Variants in SIRT6 observed in about 807,000 individuals in gnomAD.
SIRT6 encodes NAD-dependent protein deacylase sirtuin-6.
In SIRT6, 21 loss-of-function variants were observed where a neutral mutation model predicts 33.6. The ratio of observed to expected loss-of-function variants is 0.62; its 90% CI spans 0.44 to 0.90. SIRT6 has a LOEUF of 0.90. Among genes scored for constraint, SIRT6 ranks in the 40% least tolerant of loss-of-function variants. The pLI, the probability that SIRT6 is intolerant of heterozygous loss-of-function variation, is 0.00. For missense variants in SIRT6, 504 were observed against 510.6 expected (o/e 0.99, Z 0.12); for synonymous variants, 221 against 223.9 (o/e 0.99, Z 0.12).
intron 6 of SIRT6, 187 bp downstream of exon 6, chr19:4,175,493 C>G (rs1007648105): frequency 3.1e-6 from 2 of 643,414 alleles, no homozygotes; most frequent in African/African-American, 3.7e-5. Flanking sequence ...TAGCACCCAC[C>G]CAGAGCCATG....
intron 1 of SIRT6, 60 bp downstream of exon 1, chr19:4,182,414 C>G: frequency 6.5e-7 from 1 of 1,533,998 alleles, no homozygotes; most frequent in East Asian, 2.5e-5. Flanking sequence ...CCCCTGCCAT[C>G]CGGCCGCTCC....
At position 4,174,977 on chromosome 19, in the gene SIRT6, G is replaced by C; in HGVS notation, c.739-31C>G. The C allele has an allele frequency of 6.2e-7, 1 of 1,609,162 alleles. No individual in the cohort carries two copies. The highest frequency in any genetic ancestry group is 8.5e-7 in the Non-Finnish European group (1 of 1,178,030). On this transcript the variant is annotated intron_variant, in intron 7 of 7. Transcript: ENST00000337491. The surrounding 1 kb of genome is among the most constrained non-coding windows in gnomAD (Gnocchi z 4.2). ...GAGGGGCGGGACGGGTCAGGCGTGGGGGACAGAGGGTGCATGGTGGCCCTG... is the reference window on the plus strand; with the variant it reads ...GAGGGGCGGGACGGGTCAGGCGTGGCGGACAGAGGGTGCATGGTGGCCCTG...
intron 1 of SIRT6, 44 bp from the exon 2 acceptor site, chr19:4,180,953 C>A: frequency 6.4e-7 from 1 of 1,556,684 alleles, no homozygotes; most frequent in East Asian, 2.3e-5. Context: ...ACAGTTCCCC[C>A]AAGTGGCAAG....
In SIRT6 at chr19:4,174,897, G is replaced by A. The variant is rs751009016; in HGVS notation, c.788C>T (p.Thr263Ile). 6.2e-7 allele frequency: 1 copy of A among 1,603,776 alleles called. No homozygotes were observed. The highest frequency in any genetic ancestry group is 8.5e-7 in the Non-Finnish European group (1 of 1,179,752). Residue 263 changes from threonine to isoleucine, a missense_variant, in exon 8 of 8, where the codon ACC (threonine) becomes ATC (isoleucine). By Grantham distance (89) the Thr-to-Ile change is moderately conservative. Coordinates refer to ENST00000337491, the MANE Select transcript of SIRT6 (RefSeq NM_016539.4). This position sits in a 1 kb window ranked among gnomAD's most constrained non-coding sequence, Gnocchi z 4.2. ...CAGCCCCAGGTGCTTCATGAGCCGGGTCATGACCTCGTCAACGTAGCCATG... is the reference window on the plus strand; with the variant it reads ...CAGCCCCAGGTGCTTCATGAGCCGGATCATGACCTCGTCAACGTAGCCATG... ...RIHGYVDEVM[T>I]RLMKHLGLEI... is the part of the protein sequence containing the mutation.
intron 3 of SIRT6, among the ~76,000 whole-genome samples, chr19:4,178,383 C>T (rs918520215): frequency 3.3e-5 from 5 of 152,112 alleles, no homozygotes; most frequent in African/African-American, 7.2e-5. Flanking sequence ...CCCTGGCTGC[C>T]GAGCTCCTCG....
chr19:4,179,599 G>T, intron 2 of SIRT6: 2 of 433,184 alleles, frequency 4.6e-6, no homozygotes, highest in South Asian at 3.3e-5. Flanking sequence ...AGGCAAAAAT[G>T]ACTTATTCTA....
chr19:4,175,340 TG>T, intron 6 of SIRT6, 189 bp from the exon 7 acceptor site: 1 of 777,934 alleles, frequency 1.3e-6, no homozygotes, highest in South Asian at 1.8e-5. Flanking sequence ...GTCATTGATC[TG>T]GGCGGGCCCT....
intron 3 of SIRT6, among the ~76,000 whole-genome samples, chr19:4,178,525 G>A (rs1967437788): frequency 6.6e-6 from 1 of 152,050 alleles, no homozygotes; most frequent in South Asian, 2.1e-4. Context: ...TGTCAGACAC[G>A]TTTAGTGTCA....
intron 6 of SIRT6, 147 bp downstream of exon 6, chr19:4,175,533 G>A: frequency 1.4e-6 from 1 of 735,074 alleles, no homozygotes; most frequent in Non-Finnish European, 2.2e-6. Context: ...GTGCGTGTGT[G>A]CAGCCCCTGG....
chr19:4,182,501 C>T lies in SIRT6; in HGVS notation c.39G>A (p.Ala13=), dbSNP rs770751525. 1 of 1,611,466 alleles carries T rather than the reference C, an allele frequency of 6.2e-7. No individual in the cohort carries two copies. The highest frequency in any genetic ancestry group is 8.5e-7 in the Non-Finnish European group (1 of 1,179,134). ...VNYAAGLSPY[A]DKGKCGLPEI... is the part of the protein sequence containing the mutation. ...CCGGGAGGCCGCACTTGCCCTTGTC[C>T]GCGTACGGCGACAGCCCCGCCGCGT... The change falls in exon 1 of 8, where the codon GCG becomes GCA. Residue 13 remains alanine, a synonymous_variant. Coordinates refer to ENST00000337491, the MANE Select transcript of SIRT6 (RefSeq NM_016539.4).
chr19:4,177,041 T>C (rs1264981150), intron 4 of SIRT6, 38 bp downstream of exon 4: 2 of 1,561,014 alleles, frequency 1.3e-6, no homozygotes, highest in Non-Finnish European at 1.8e-6. Context: ...CAACCCCCTC[T>C]GGCAGAGCCC....
At chr19:4,181,939 G>T (rs1004671012) in intron 1 of SIRT6, among the ~76,000 whole-genome samples, 3 of 152,146 alleles carry the variant, frequency 2.0e-5, no homozygotes, top group African/African-American at 7.2e-5. Flanking sequence ...CACCTCGTTT[G>T]CAGAAAGTTT....
chr19:4,181,979 T>C (rs1332509443), intron 1 of SIRT6, among the ~76,000 whole-genome samples: 1 of 151,914 alleles, frequency 6.6e-6, no homozygotes, highest in Admixed American at 6.6e-5. Context: ...GGAAGTGACT[T>C]CCCCAAAGTC....
intron 4 of SIRT6, 31 bp downstream of exon 4, chr19:4,177,048 G>A: frequency 6.2e-7 from 1 of 1,600,208 alleles, no homozygotes; most frequent in Non-Finnish European, 8.5e-7. Flanking sequence ...CTCTGGCAGA[G>A]CCCCCACCCC....
At chr19:4,179,579 A>C in intron 2 of SIRT6, 1 of 469,354 alleles carries the variant, frequency 2.1e-6, no homozygotes, top group East Asian at 3.6e-5. Context: ...AGAGAGATGA[A>C]TTCACACGAA....
chr19:4,180,889 C>A lies in SIRT6; in HGVS notation c.87G>T (p.Glu29Asp). The A allele has an allele frequency of 6.2e-7, 1 of 1,612,918 alleles. No individual in the cohort carries two copies. Among genetic ancestry groups the A allele is most frequent in the Non-Finnish European group, 8.5e-7 (1 of 1,179,512 alleles). The change falls in exon 2 of 8, where the codon GAG becomes GAT. Residue 29 changes from glutamate (E) to aspartate (D), a missense_variant. Glu to Asp is a conservative substitution (Grantham distance 45). Transcript: ENST00000337491. ...CCAGTTCCCACACCTTCCGCTCCAG[C>A]TCCTCCGGGGGGTCGAAGATCTGTG... The part of the protein sequence containing the change: ...GLPEIFDPPE[E>D]LERKVWELAR...
chr19:4,179,485 A>T (rs529019752), intron 2 of SIRT6, 199 bp from the exon 3 acceptor site: 1 of 602,088 alleles, frequency 1.7e-6, no homozygotes, highest in South Asian at 2.1e-5. Flanking sequence ...ATAGAACAAG[A>T]CACAGACAGA....
chr19:4,174,265 T>G lies in SIRT6; in HGVS notation c.*352A>C. ...CAGGGCCCATGGAGGAGGGGTAGGG[T>G]GGGCTGTAGGGGGCCCAGAAGGGAG... On this transcript the variant is annotated 3_prime_UTR_variant, in exon 8 of 8. Transcript: ENST00000337491. The surrounding 1 kb of genome is among the most constrained non-coding windows in gnomAD (Gnocchi z 4.2). 1 of 202,832 alleles carries G rather than the reference T, an allele frequency of 4.9e-6. No individual in the cohort carries two copies. Among genetic ancestry groups the G allele is most frequent in the South Asian group, 1.8e-4 (1 of 5,528 alleles). 12.6% of individuals were successfully genotyped at this position (202,832 alleles called of 1,614,324 possible).
In SIRT6 at chr19:4,180,919, G is replaced by A. The variant is rs148090394; in HGVS notation, c.67-10C>T. ...CCGGGGGGTCGAAGATCTGTGGGGG[G>A]AGAGAGCAGACGGAGGGGTCAAAAC... On this transcript the variant is annotated splice_polypyrimidine_tract_variant and intron_variant, in intron 1 of 7. Transcript: ENST00000337491. 6.4e-4 allele frequency: 1,021 copies of A among 1,606,636 alleles called. 10 individuals are homozygous for A. The East Asian group carries it at 0.019, about 30-fold the overall frequency.
Sources: gnomAD v4.1 joint callset for allele counts (sites outside exome capture counted in the v4.1 genomes callset) on GRCh38, gnomAD v4.1.1 for gene constraint, Gnocchi (gnomAD v3.1) non-coding constraint, MANE v1.5 for transcripts, NCBI Gene and HGNC (gene_info 2026-07-23, HGNC 2026-07-21) for gene names.